The following AGBL5 variants were observed in gnomAD, a reference collection of about 807,000 sequenced individuals.
AGBL5 encodes cytosolic carboxypeptidase-like protein 5.
A neutral mutation model predicts 88.0 loss-of-function variants in AGBL5; 51 were observed. The observed-to-expected ratio is 0.58, with a 90% CI of 0.46 to 0.73. The LOEUF (loss-of-function observed/expected upper bound fraction) is 0.73. Ranked by LOEUF, AGBL5 falls within the 30% of genes least tolerant of loss-of-function variation. The pLI is 0.00. For missense variants in AGBL5, 1,031 were observed against 1,162.2 expected (o/e 0.89, Z 1.64); for synonymous variants, 446 against 438.8 (o/e 1.02, Z -0.21).
At position 27,059,334 on chromosome 2, in the gene AGBL5, G is replaced by A. The variant is rs374055813; in HGVS notation, c.2019G>A (p.Arg673=). 6.2e-7 allele frequency: 1 copy of A among 1,614,218 alleles called. No homozygotes were observed. The highest frequency in any genetic ancestry group is 2.2e-5 in the East Asian group (1 of 44,888). The stretch of plus-strand genomic sequence containing the variant: ...CCAGCTTTCCTTTTCATGGCAGTCG[G>A]CCTGCAGGGCTGCCAGGCCTGGGCT... ...NSPSFPFHGS[R]PAGLPGLGSS... is the part of the protein sequence containing the mutation. Residue 673 remains arginine (R), a synonymous_variant, in exon 11 of 15, where the codon CGG becomes CGA. Coordinates refer to ENST00000360131, the MANE Select transcript of AGBL5 (RefSeq NM_021831.6).
chr2:27,064,423 G>A (rs1379297414), intron 11 of AGBL5, among the ~76,000 whole-genome samples: 3 of 151,374 alleles, frequency 2.0e-5, no homozygotes, highest in Non-Finnish European at 4.4e-5. Flanking sequence ...AGCCTCCCTA[G>A]TAGCTGGGCC....
chr2:27,070,203 C>T lies in AGBL5; in HGVS notation c.2601C>T (p.Gly867=). Residue 867 remains glycine, a synonymous_variant, in exon 15 of 15, where the codon GGC becomes GGT. Transcript: ENST00000360131. ...ATTGTTACAGCAGGGGTCCCTTGGG[C>T]CAACCTGAGGTTTGTTTTGTCCCTA... ...SWNCYSRGPL[G]QPEVCFVPKS... is the part of the protein sequence containing the mutation. 1 of 1,614,230 alleles carries T rather than the reference C, an allele frequency of 6.2e-7. No individual in the cohort carries two copies. The highest frequency in any genetic ancestry group is 1.1e-5 in the South Asian group (1 of 91,090).
Position 27,069,583 on chromosome 2 carries a change from G to C in AGBL5, c.2366G>C (p.Arg789Thr). Reference protein sequence around the residue: ...CIKTRLQARPRLGRGSPPTRR... With the variant: ...CIKTRLQARPTLGRGSPPTRR... ...ACCCTGTCCACACAGGCTAGGCCCA[G>C]GTTGGGCCGGGGCTCACCGCCGACT... Residue 789 changes from arginine to threonine, a missense_variant, in exon 14 of 15, where the codon AGG becomes ACG. Physicochemically the swap from Arg to Thr is moderately conservative, Grantham distance 71 (BLOSUM62 -1). Coordinates refer to ENST00000360131, the MANE Select transcript of AGBL5 (RefSeq NM_021831.6). The C allele has an allele frequency of 6.2e-7, 1 of 1,614,056 alleles. No homozygotes were observed. The highest frequency in any genetic ancestry group is 1.1e-5 in the South Asian group (1 of 91,082).
At chr2:27,054,864 T>C (rs1202058311) in intron 5 of AGBL5, 57 bp downstream of exon 5, 4 of 1,570,802 alleles carry the variant, frequency 2.5e-6, no homozygotes, top group Non-Finnish European at 3.5e-6. Context: ...CCAGGTACTG[T>C]TTATAGCTAA....
Position 27,053,137 on chromosome 2 carries a change from C to G in AGBL5, c.179C>G (p.Pro60Arg). The G allele has an allele frequency of 6.2e-7, 1 of 1,608,308 alleles. No individual in the cohort carries two copies. Among genetic ancestry groups the G allele is most frequent in the Non-Finnish European group, 8.5e-7 (1 of 1,176,404 alleles). ...TATGAATTCAACGTGTGGACCCGACCAGACTGTGCTGAAACGGAATTTGAG... is the reference window on the plus strand; with the variant it reads ...TATGAATTCAACGTGTGGACCCGACGAGACTGTGCTGAAACGGAATTTGAG... ...PDYEFNVWTR[P>R]DCAETEFENG... The change falls in exon 2 of 15, where the codon CCA (proline) becomes CGA (arginine). Residue 60 changes from proline (P) to arginine (R), a missense_variant. Physicochemically the swap from Pro to Arg is moderately radical, Grantham distance 103. This residue lies in a region of AGBL5 where 540 missense variants were observed against 678.2 expected (regional missense o/e 0.80). Transcript: ENST00000360131. The surrounding 1 kb of genome is among the most constrained non-coding windows in gnomAD (Gnocchi z 4.9).
chr2:27,055,150 A>G lies in AGBL5; in HGVS notation c.805A>G (p.Ile269Val). 1 of 1,614,180 alleles carries G rather than the reference A, an allele frequency of 6.2e-7. No homozygotes were observed. The change falls in exon 6 of 15, where the codon ATC becomes GTC. Residue 269 changes from isoleucine to valine, a missense_variant. By Grantham distance (29) the Ile-to-Val change is conservative. Around this residue, in one of 2 missense-constraint regions of AGBL5, gnomAD observed 540 missense variants for 678.2 expected, o/e 0.80. Transcript: ENST00000360131. ...SFVFNGFLDF[I>V]LRPDDPRAQT... The stretch of plus-strand genomic sequence containing the variant: ...TGTCTTCAATGGCTTTCTGGACTTC[A>G]TCCTCCGACCTGATGATCCCCGGGC...
chr2:27,059,050 G>C, intron 10 of AGBL5, 140 bp from the exon 11 acceptor site: 1 of 811,140 alleles, frequency 1.2e-6, no homozygotes, highest in Non-Finnish European at 2.0e-6. Context: ...CCACGGACAT[G>C]AATTCCTCAC....
chr2:27,059,625 G>A, intron 11 of AGBL5: 1 of 1,042,468 alleles, frequency 9.6e-7, no homozygotes, highest in Non-Finnish European at 1.3e-6. Context: ...CTGGGTATCT[G>A]GGCTTCAGTG....
Position 27,057,435 on chromosome 2 carries a change from G to A in AGBL5, c.1668G>A (p.Glu556=). 1.2e-6 allele frequency: 2 copies of A among 1,610,456 alleles called. No individual in the cohort carries two copies. Among genetic ancestry groups the A allele is most frequent in the Non-Finnish European group, 1.7e-6 (2 of 1,178,074 alleles). Residue 556 remains glutamate (E), a synonymous_variant, in exon 9 of 15, where the codon GAG becomes GAA. Coordinates refer to ENST00000360131, the MANE Select transcript of AGBL5 (RefSeq NM_021831.6). ...CCAGATACACTGTGGAACTATTTGA[G>A]CAGGTATGAATACATGGTGTAAGTG... The part of the protein sequence containing the change: ...FPSRYTVELF[E]QVGRAMAIAA...
Position 27,058,620 on chromosome 2 carries a change from G to T in AGBL5, c.1874+18G>T, listed in dbSNP as rs1668562062. 2 of 1,612,812 alleles carry T rather than the reference G, an allele frequency of 1.2e-6. No individual in the cohort carries two copies. Among genetic ancestry groups the T allele is most frequent in the Non-Finnish European group, 1.7e-6 (2 of 1,179,586 alleles). On this transcript the variant is annotated intron_variant, in intron 10 of 14. Transcript: ENST00000360131. ...AGTCACAAGTAAGGCCAGCAAAATA[G>T]GAGGGAGAAAGGGTAGGACAGTGGG...
At position 27,053,359 on chromosome 2, in the gene AGBL5, A is replaced by G. The variant is rs1231059276; in HGVS notation, c.216-43A>G. 4 of 1,598,616 alleles carry G rather than the reference A, an allele frequency of 2.5e-6. No individual in the cohort carries two copies. The highest frequency in any genetic ancestry group is 4.5e-5 in the East Asian group (2 of 44,702). On this transcript the variant is annotated intron_variant, in intron 2 of 14. Coordinates refer to ENST00000360131, the MANE Select transcript of AGBL5 (RefSeq NM_021831.6). This position sits in a 1 kb window ranked among gnomAD's most constrained non-coding sequence, Gnocchi z 4.9. ...GGCTCTCCCACAGACCATATCTCCAACCCTTCCACACGTAATGACCTCTCT... is the reference window on the plus strand; with the variant it reads ...GGCTCTCCCACAGACCATATCTCCAGCCCTTCCACACGTAATGACCTCTCT...
In AGBL5 at chr2:27,059,423, C is replaced by T. The variant is rs1572823512; in HGVS notation, c.2089+19C>T. On this transcript the variant is annotated intron_variant, in intron 11 of 14. Transcript: ENST00000360131. ...GTCAGAGGTAAGCCAGTCTGGGAGC[C>T]CCTGCAACATGTGTTCGGTTGTCTG... The T allele has an allele frequency of 1.9e-6, 3 of 1,613,666 alleles. No individual in the cohort carries two copies. In the African/African-American group the frequency reaches 4.0e-5, roughly 22 times the overall value.
In AGBL5 at chr2:27,053,639, T is replaced by C. The variant is rs1668287819; in HGVS notation, c.387+66T>C. Reference sequence around the variant, plus strand: ...AAAGTAGAGAGGAAAGTAAAGCGTTTTTTTTTCCTTGATACAAGTATGAAG... The same window carrying C: ...AAAGTAGAGAGGAAAGTAAAGCGTTCTTTTTTCCTTGATACAAGTATGAAG... On this transcript the variant is annotated intron_variant, in intron 3 of 14. Transcript: ENST00000360131. The surrounding 1 kb of genome is among the most constrained non-coding windows in gnomAD (Gnocchi z 4.9). 5 of 1,541,638 alleles carry C rather than the reference T, an allele frequency of 3.2e-6. No individual in the cohort carries two copies. Among genetic ancestry groups the C allele is most frequent in the African/African-American group, 1.4e-5 (1 of 72,090 alleles).
Position 27,070,548 on chromosome 2 carries a change from C to T in AGBL5, c.*285C>T. On this transcript the variant is annotated 3_prime_UTR_variant, in exon 15 of 15. Coordinates refer to ENST00000360131, the MANE Select transcript of AGBL5 (RefSeq NM_021831.6). ...GAAAAGCAAGCCCCTATACTGGGCC[C>T]TATTCAGTGGCAGCTTCTTGTTCCA... The T allele has an allele frequency of 2.8e-6, 1 of 355,046 alleles. No individual in the cohort carries two copies. Among genetic ancestry groups the T allele is most frequent in the Non-Finnish European group, 5.2e-6 (1 of 194,004 alleles). 22.0% of individuals were successfully genotyped at this position (355,046 alleles called of 1,614,324 possible). A position where few individuals can be genotyped will look rare whatever the true frequency, so the allele number is the denominator to read the frequency against.
chr2:27,053,378 CCTCT>C lies in AGBL5; in HGVS notation c.216-19_216-16del, dbSNP rs763335591. On this transcript the variant is annotated intron_variant, in intron 2 of 14. Transcript: ENST00000360131. The surrounding 1 kb of genome is among the most constrained non-coding windows in gnomAD (Gnocchi z 4.9). ...TCTCCAACCCTTCCACACGTAATGA[CCTCT>C]CTCTTACTCTGGTCCTCAGGTCATG... 3.1e-6 allele frequency: 5 copies of C among 1,610,942 alleles called. No homozygotes were observed. The African/African-American group carries it at 5.3e-5, about 17-fold the overall frequency.
In AGBL5 at chr2:27,069,700, C is replaced by T; in HGVS notation, c.2483C>T (p.Thr828Ile). 2 of 1,613,866 alleles carry T rather than the reference C, an allele frequency of 1.2e-6. No individual in the cohort carries two copies. Among genetic ancestry groups the T allele is most frequent in the Admixed American group, 3.3e-5 (2 of 60,014 alleles). The change falls in exon 14 of 15, where the codon ACA becomes ATA. Residue 828 changes from threonine (T) to isoleucine (I), a missense_variant. Around this residue, in one of 2 missense-constraint regions of AGBL5, gnomAD observed 491 missense variants for 484.0 expected, o/e 1.01. Transcript: ENST00000360131. Reference protein sequence around the residue: ...SELELGSCSATPGLPQARPPR... With the variant: ...SELELGSCSAIPGLPQARPPR... ...CTGGAGCTGGGATCCTGCTCTGCTA[C>T]ACCAGGGTGAGCACTTGGGTCCAGT...
Position 27,058,431 on chromosome 2 carries a change from A to T in AGBL5, c.1703A>T (p.Asp568Val). The T allele has an allele frequency of 1.2e-6, 2 of 1,613,604 alleles. No homozygotes were observed. The highest frequency in any genetic ancestry group is 1.7e-6 in the Non-Finnish European group (2 of 1,180,052). The change falls in exon 10 of 15, where the codon GAC (aspartate) becomes GTC (valine). Residue 568 changes from aspartate to valine, a missense_variant. Asp to Val is a radical substitution (Grantham distance 152). Transcript: ENST00000360131. The stretch of plus-strand genomic sequence containing the variant: ...CGAGCTATGGCCATTGCAGCCCTGG[A>T]CATGGCGGAATGTAATCCGTGGCCC... ...VGRAMAIAAL[D>V]MAECNPWPRI...
At chr2:27,058,731 A>G in intron 10 of AGBL5, 129 bp downstream of exon 10, 1 of 1,004,180 alleles carries the variant, frequency 1.0e-6, no homozygotes, top group Non-Finnish European at 1.5e-6. Context: ...CTTCAGGGTA[A>G]ATTAAAATTA....
chr2:27,070,049 G>C (rs1341771650), intron 14 of AGBL5, 43 bp from the exon 15 acceptor site: 1 of 1,585,950 alleles, frequency 6.3e-7, no homozygotes, highest in Non-Finnish European at 8.6e-7. Flanking sequence ...AGAAGAGGAG[G>C]AGAGTTTTCA....
Sources: gnomAD v4.1 joint callset for allele counts (sites outside exome capture counted in the v4.1 genomes callset) on GRCh38, gnomAD v4.1.1 for gene constraint, gnomAD v4.1.1 regional missense constraint, Gnocchi (gnomAD v3.1) non-coding constraint, MANE v1.5 for transcripts, NCBI Gene and HGNC (gene_info 2026-07-23, HGNC 2026-07-21) for gene names.